RAPGEF5: variants seen among roughly 807,000 people sequenced by gnomAD.
RAPGEF5 encodes the protein Rap guanine nucleotide exchange factor 5.
In RAPGEF5, 65 loss-of-function variants were observed where a neutral mutation model predicts 125.2. The observed-to-expected ratio is 0.52, with a 90% CI of 0.43 to 0.64. The LOEUF (loss-of-function observed/expected upper bound fraction) is 0.64, where lower values mean the gene tolerates loss of function less well. RAPGEF5 is among the 30% of genes least tolerant of loss of function. The probability of loss-of-function intolerance (pLI) is 0.00; values close to 1 mark genes in which losing one functional copy is unlikely to be tolerated. For synonymous variants in RAPGEF5, 391 were observed against 385.9 expected (o/e 1.01, Z -0.16); for missense variants, 958 against 1,048.1 (o/e 0.91, Z 1.19).
chr7:22,279,181 T>C lies in RAPGEF5; in HGVS notation c.747+11994A>G, dbSNP rs769243299. Among the ~76,000 whole-genome samples, 7 of 152,158 alleles carry C rather than the reference T, an allele frequency of 4.6e-5. No homozygotes were observed. In the East Asian group the frequency reaches 1.2e-3, roughly 25 times the overall value. On this transcript the variant is annotated intron_variant, in intron 6 of 25. Transcript: ENST00000665637. ...GTTTTAGTATCTATTTTTAAAACTG[T>C]CTTTTGCCCATTCAATTCTCAGAAC...
chr7:22,124,450 T>C (rs1027196327), intron 25 of RAPGEF5, among the ~76,000 whole-genome samples: 3 of 152,184 alleles, frequency 2.0e-5, no homozygotes, highest in African/African-American at 7.2e-5. Flanking sequence ...TTTAGAAAAT[T>C]AGGTCCTGTA....
chr7:22,180,883 C>A (rs1235928848), intron 11 of RAPGEF5, among the ~76,000 whole-genome samples: 2 of 152,178 alleles, frequency 1.3e-5, no homozygotes, highest in African/African-American at 4.8e-5. Flanking sequence ...TTTGGAAGAA[C>A]AAACACCTTC....
At chr7:22,219,794 T>C (rs1415821542) in intron 9 of RAPGEF5, 72 bp downstream of exon 9, 1 of 1,488,004 alleles carries the variant, frequency 6.7e-7, no homozygotes, top group African/African-American at 1.4e-5. Flanking sequence ...TAGTCTTTCG[T>C]TCAAACATGC....
At chr7:22,172,387 G>A (rs892576993) in intron 11 of RAPGEF5, among the ~76,000 whole-genome samples, 1 of 152,238 alleles carries the variant, frequency 6.6e-6, no homozygotes, top group East Asian at 1.9e-4. Context: ...GGCTCCCAAA[G>A]TTCTGGGATT....
chr7:22,227,785 C>A (rs191417444), intron 8 of RAPGEF5, among the ~76,000 whole-genome samples: 1 of 152,232 alleles, frequency 6.6e-6, no homozygotes, highest in Admixed American at 6.5e-5. Flanking sequence ...GAGGCTGCAG[C>A]GAGCCATGAT....
chr7:22,206,527 C>T, intron 9 of RAPGEF5, among the ~76,000 whole-genome samples: 1 of 151,784 alleles, frequency 6.6e-6, no homozygotes, highest in East Asian at 1.9e-4. Flanking sequence ...CATAGTGAGG[C>T]CTTGTCTCTA....
At chr7:22,215,492 T>C (rs1785614629) in intron 9 of RAPGEF5, among the ~76,000 whole-genome samples, 1 of 152,222 alleles carries the variant, frequency 6.6e-6, no homozygotes, top group East Asian at 1.9e-4. Flanking sequence ...GTTGTGTTGA[T>C]ATCTTTCCTC....
At chr7:22,331,220 G>T (rs552075866) in intron 1 of RAPGEF5, among the ~76,000 whole-genome samples, 1 of 152,296 alleles carries the variant, frequency 6.6e-6, no homozygotes, top group African/African-American at 2.4e-5. Flanking sequence ...TTCACTGAGG[G>T]TAAGATTAAA....
intron 17 of RAPGEF5, among the ~76,000 whole-genome samples, chr7:22,152,049 A>G (rs1004834367): frequency 6.6e-6 from 1 of 152,296 alleles, no homozygotes; most frequent in South Asian, 2.1e-4. Context: ...GACACAATCA[A>G]CTTCTCCTAA....
intron 6 of RAPGEF5, among the ~76,000 whole-genome samples, chr7:22,286,143 A>G (rs1036158792): frequency 2.6e-5 from 4 of 152,190 alleles, no homozygotes; most frequent in African/African-American, 7.2e-5. Flanking sequence ...CTGACTACGG[A>G]TCAGAAGAGA....
At chr7:22,194,121 G>T in intron 9 of RAPGEF5, 88 bp from the exon 10 acceptor site, 2 of 1,140,658 alleles carry the variant, frequency 1.8e-6, no homozygotes, top group Non-Finnish European at 2.5e-6. Flanking sequence ...AACTCAAGCT[G>T]TATTTTCTAG....
intron 7 of RAPGEF5, among the ~76,000 whole-genome samples, chr7:22,248,879 T>C (rs1786547832): frequency 6.6e-6 from 1 of 152,190 alleles, no homozygotes; most frequent in Non-Finnish European, 1.5e-5. Context: ...CTCCCTATTG[T>C]AGCCAGGGTG....
chr7:22,274,892 A>G (rs1782521416), intron 6 of RAPGEF5, among the ~76,000 whole-genome samples: 1 of 152,196 alleles, frequency 6.6e-6, no homozygotes, highest in Non-Finnish European at 1.5e-5. Context: ...AGATTTCTCC[A>G]TGACACTATG....
At chr7:22,266,200 G>T (rs1373465522) in intron 7 of RAPGEF5, among the ~76,000 whole-genome samples, 1 of 152,034 alleles carries the variant, frequency 6.6e-6, no homozygotes, top group African/African-American at 2.4e-5. Context: ...TTTTGTCATA[G>T]TCTTTTCGCC....
intron 11 of RAPGEF5, among the ~76,000 whole-genome samples, chr7:22,178,781 T>A (rs536510688): frequency 6.6e-6 from 1 of 152,260 alleles, no homozygotes; most frequent in African/African-American, 2.4e-5. Flanking sequence ...GCATGATTGA[T>A]TAAATCATGG....
chr7:22,175,310 T>C (rs1056232760), intron 11 of RAPGEF5, among the ~76,000 whole-genome samples: 10 of 152,132 alleles, frequency 6.6e-5, no homozygotes, highest in African/African-American at 2.2e-4. Context: ...GGTGGGGGCA[T>C]ACTCTAGTTA....
intron 1 of RAPGEF5, among the ~76,000 whole-genome samples, chr7:22,347,848 A>G (rs1784252766): frequency 6.6e-6 from 1 of 152,210 alleles, no homozygotes; most frequent in South Asian, 2.1e-4. Context: ...TTATATTAGG[A>G]TTTGTTAAAT....
intron 6 of RAPGEF5, among the ~76,000 whole-genome samples, chr7:22,275,957 C>T (rs528427474): frequency 3.3e-5 from 5 of 152,332 alleles, no homozygotes; most frequent in African/African-American, 1.2e-4. Flanking sequence ...GCTAACGACA[C>T]TAACATCTTT....
At chr7:22,340,664 GTTCCCTGACCAGGGCTTGGA>G (rs1320468169) in intron 1 of RAPGEF5, among the ~76,000 whole-genome samples, 1 of 152,180 alleles carries the variant, frequency 6.6e-6, no homozygotes, top group African/African-American at 2.4e-5. Context: ...GCTCCTCCTT[GTTCCCTGACCAGGGCTTGGA>G]TTCTCTTACC....
Sources: gnomAD v4.1 joint callset for allele counts (sites outside exome capture counted in the v4.1 genomes callset) on GRCh38, gnomAD v4.1.1 for gene constraint, MANE v1.5 for transcripts, NCBI Gene and HGNC (gene_info 2026-07-23, HGNC 2026-07-21) for gene names.